The following BCO1 variants were observed in gnomAD, a reference collection of about 807,000 sequenced individuals.
BCO1 encodes the protein beta-carotene oxygenase 1, also known as beta,beta-carotene 15,15'-dioxygenase.
Under a neutral mutation model 56.3 loss-of-function variants are expected in BCO1, and 54 were observed. The observed-to-expected ratio is 0.96, with a 90% CI of 0.77 to 1.20. The LOEUF is 1.20. Ranked by LOEUF, BCO1 falls within the 50% of genes most tolerant of loss-of-function variation. BCO1 has a pLI of 0.00. For synonymous variants in BCO1, 318 were observed against 266.1 expected (o/e 1.20, Z -1.90); for missense variants, 801 against 690.9 (o/e 1.16, Z -1.79).
chr16:81,243,234 A>C (rs1905218577), intron 1 of BCO1, among the ~76,000 whole-genome samples: 2 of 152,156 alleles, frequency 1.3e-5, no homozygotes, highest in Admixed American at 6.6e-5. Flanking sequence ...GTTTTATCTC[A>C]AATTTTTTTA....
At chr16:81,276,726 G>A (rs553673089) in intron 7 of BCO1, among the ~76,000 whole-genome samples, 1 of 152,296 alleles carries the variant, frequency 6.6e-6, no homozygotes, top group South Asian at 2.1e-4. Flanking sequence ...AATGTGGCTG[G>A]TGCAGCTAAG....
At chr16:81,273,368 G>A (rs1450951717) in intron 7 of BCO1, among the ~76,000 whole-genome samples, 2 of 152,070 alleles carry the variant, frequency 1.3e-5, no homozygotes, top group African/African-American at 4.8e-5. Flanking sequence ...GCCTCAGATG[G>A]GCCACACTTG....
Position 81,280,887 on chromosome 16 carries a change from G to C in BCO1, c.1132G>C (p.Val378Leu). ...AGAAGTGGGCACAAATTTAATCAAA[G>C]TGGCATCTACAACAGCCACGGCCCT... ...NAEVGTNLIKVASTTATALKE... is the reference protein window; with the variant it reads ...NAEVGTNLIKLASTTATALKE... Residue 378 changes from valine to leucine, a missense_variant, in exon 8 of 11, where the codon GTG becomes CTG. Transcript: ENST00000258168. 1 of 1,614,078 alleles carries C rather than the reference G, an allele frequency of 6.2e-7. No individual in the cohort carries two copies. The highest frequency in any genetic ancestry group is 8.5e-7 in the Non-Finnish European group (1 of 1,179,938).
chr16:81,265,380 A>G (rs887180820), intron 5 of BCO1, among the ~76,000 whole-genome samples: 5 of 141,502 alleles, frequency 3.5e-5, no homozygotes, highest in Non-Finnish European at 7.7e-5. Context: ...CCCACCATGA[A>G]TCCATTCAAC....
Position 81,290,883 on chromosome 16 carries a change from C to T in BCO1, c.*306C>T, listed in dbSNP as rs1383199623. On this transcript the variant is annotated 3_prime_UTR_variant, in exon 11 of 11. Coordinates refer to ENST00000258168, the MANE Select transcript of BCO1 (RefSeq NM_017429.3). ...ATGAATCAGAGATTGTATTCAATGA[C>T]ATTATCATCATTTTTAGAACGAGCC... 3.5e-6 allele frequency: 1 copy of T among 287,532 alleles called. No individual in the cohort carries two copies. Among genetic ancestry groups the T allele is most frequent in the South Asian group, 6.9e-5 (1 of 14,560 alleles). 17.8% of individuals were successfully genotyped at this position (287,532 alleles called of 1,614,324 possible).
intron 2 of BCO1, among the ~76,000 whole-genome samples, chr16:81,258,516 C>T (rs977183753): frequency 5.3e-5 from 8 of 152,142 alleles, no homozygotes; most frequent in South Asian, 2.1e-4. Flanking sequence ...CAGGACTGAA[C>T]GGGGCCCTGG....
At chr16:81,243,669 A>G (rs1905238942) in intron 1 of BCO1, among the ~76,000 whole-genome samples, 1 of 152,066 alleles carries the variant, frequency 6.6e-6, no homozygotes, top group African/African-American at 2.4e-5. Context: ...GGGTTTCACC[A>G]TGTTGGCCAG....
At chr16:81,261,670 G>A (rs1380766191) in intron 3 of BCO1, among the ~76,000 whole-genome samples, 1 of 152,112 alleles carries the variant, frequency 6.6e-6, no homozygotes, top group East Asian at 1.9e-4. Flanking sequence ...TCTTTGGGGT[G>A]TCTGAGTTCT....
intron 2 of BCO1, among the ~76,000 whole-genome samples, chr16:81,254,389 G>A (rs1341731522): frequency 4.3e-5 from 6 of 139,264 alleles, no homozygotes; most frequent in South Asian, 2.3e-4. Context: ...GACCTCAGAC[G>A]ATCCGCCCAT....
chr16:81,243,127 G>A (rs11643312), intron 1 of BCO1, among the ~76,000 whole-genome samples: 1 of 151,886 alleles, frequency 6.6e-6, no homozygotes, highest in Non-Finnish European at 1.5e-5. Context: ...AAGGGAGATG[G>A]CTTTTTGGAG....
chr16:81,252,247 T>G (rs1204791429), intron 2 of BCO1, among the ~76,000 whole-genome samples: 1 of 151,508 alleles, frequency 6.6e-6, no homozygotes, highest in East Asian at 1.9e-4. Context: ...GGGTGTGTGT[T>G]TTTGTTTTGT....
chr16:81,250,238 C>G (rs1345659117), intron 2 of BCO1, among the ~76,000 whole-genome samples: 1 of 152,148 alleles, frequency 6.6e-6, no homozygotes, highest in African/African-American at 2.4e-5. Context: ...GACATAGACG[C>G]AATACTCTCT....
intron 6 of BCO1, among the ~76,000 whole-genome samples, chr16:81,268,602 CAGGTACACCTG>C (rs1483394927): frequency 6.6e-6 from 1 of 152,194 alleles, no homozygotes; most frequent in Non-Finnish European, 1.5e-5. Context: ...TCCTTCCATT[CAGGTACACCTG>C]AGTGCTCAAA....
At position 81,244,717 on chromosome 16, in the gene BCO1, C is replaced by CTTTT. The variant is rs55904406; in HGVS notation, c.65-742_65-739dup. ...TCTACGTCTGTAGCGTTGCCCCTAT[C>CTTTT]TTTTTTTTTTTTTTTTTTTAATTTT... On this transcript the variant is annotated intron_variant, in intron 1 of 10. Coordinates refer to ENST00000258168, the MANE Select transcript of BCO1 (RefSeq NM_017429.3). Among the ~76,000 whole-genome samples, 991 of 129,172 alleles carry CTTTT rather than the reference C, an allele frequency of 7.7e-3. 16 individuals are homozygous for CTTTT. Among genetic ancestry groups the CTTTT allele is most frequent in the African/African-American group, 0.026 (883 of 33,714 alleles). The allele number at this position is 129,172 out of a possible 152,430, so 84.7% of individuals were successfully genotyped here.
At chr16:81,275,579 C>T (rs528618645) in intron 7 of BCO1, among the ~76,000 whole-genome samples, 14 of 152,364 alleles carry the variant, frequency 9.2e-5, no homozygotes, top group African/African-American at 3.4e-4. Flanking sequence ...GACTCTGTCT[C>T]ATCAGCAGTT....
At chr16:81,281,012 A>G (rs771818019) in intron 8 of BCO1, 50 bp downstream of exon 8, 2 of 1,380,884 alleles carry the variant, frequency 1.4e-6, no homozygotes, top group South Asian at 2.4e-5. Context: ...AGATTTTCAC[A>G]GGGAGCCCAG....
chr16:81,245,563 C>T lies in BCO1; in HGVS notation c.153C>T (p.Phe51=), dbSNP rs776403869. 4.3e-5 allele frequency: 69 copies of T among 1,614,080 alleles called. 1 individual carries two copies. The highest frequency in any genetic ancestry group is 3.2e-4 in the South Asian group (29 of 91,088). The change falls in exon 2 of 11, where the codon TTC becomes TTT. Residue 51 remains phenylalanine (F), a synonymous_variant. Transcript: ENST00000258168. ...TVGESRYNHW[F]DGLALLHSFT... is the part of the protein sequence containing the mutation. ...GGGAGTCCAGATACAACCATTGGTT[C>T]GACGGCCTTGCCCTGCTCCACAGCT...
chr16:81,246,587 A>G (rs1056008324), intron 2 of BCO1, among the ~76,000 whole-genome samples: 2 of 145,608 alleles, frequency 1.4e-5, no homozygotes, highest in Admixed American at 7.1e-5. Flanking sequence ...GCAGTGGCTC[A>G]TGCCTGTAAT....
chr16:81,269,711 C>T (rs1255998491), intron 6 of BCO1, among the ~76,000 whole-genome samples: 1 of 152,152 alleles, frequency 6.6e-6, no homozygotes, highest in Non-Finnish European at 1.5e-5. Flanking sequence ...TCAAGTGATC[C>T]ACCTGCCCGG....
Sources: allele counts gnomAD v4.1 joint callset (sites outside exome capture counted in the v4.1 genomes callset), GRCh38; gene constraint gnomAD v4.1.1; transcripts MANE v1.5; gene names NCBI Gene and HGNC (gene_info 2026-07-23, HGNC 2026-07-21).